SMAP2: variants seen among roughly 807,000 people sequenced by gnomAD.
The protein encoded by SMAP2 is small ArfGAP2.
In SMAP2, 25 loss-of-function variants were observed where a neutral mutation model predicts 56.4. The ratio of observed to expected loss-of-function variants is 0.44; its 90% confidence interval spans 0.32 to 0.62. The LOEUF (loss-of-function observed/expected upper bound fraction) is 0.62. SMAP2 is among the 20% of genes least tolerant of loss of function. SMAP2 has a pLI of 0.04. For synonymous variants in SMAP2, 157 were observed against 181.7 expected (o/e 0.86, Z 1.09); for missense variants, 388 against 545.6 (o/e 0.71, Z 2.88).
chr1:40,383,854 T>G (rs1459443524), intron 1 of SMAP2, among the ~76,000 whole-genome samples: 2 of 152,140 alleles, frequency 1.3e-5, no homozygotes, highest in Non-Finnish European at 1.5e-5. Flanking sequence ...CAGAAAATGT[T>G]GAGGATTGCA....
chr1:40,351,916 G>C (rs936769414), intron 1 of SMAP2, among the ~76,000 whole-genome samples: 2 of 152,052 alleles, frequency 1.3e-5, no homozygotes, highest in Non-Finnish European at 2.9e-5. Flanking sequence ...GGAATTACAG[G>C]TGTGAGCCAC....
At position 40,360,182 on chromosome 1, in the gene SMAP2, A is replaced by G. The variant is rs530178209; in HGVS notation, c.-82-2118A>G. On this transcript the variant is annotated intron_variant, in intron 1 of 6. Transcript: ENST00000435168. ...CCACCACACCCGGCTAATTTTTTGT[A>G]ATTTTAGTAGAGACGGGGTTTCACC... is the stretch of plus-strand genomic sequence containing the variant. Among the ~76,000 whole-genome samples, 310 of 148,824 alleles carry G rather than the reference A, an allele frequency of 2.1e-3. 2 individuals are homozygous for G. Among genetic ancestry groups the G allele is most frequent in the African/African-American group, 7.6e-3 (305 of 40,298 alleles).
intron 1 of SMAP2, among the ~76,000 whole-genome samples, chr1:40,388,930 C>T (rs1327212603): frequency 6.6e-6 from 1 of 151,978 alleles, no homozygotes; most frequent in Non-Finnish European, 1.5e-5. Flanking sequence ...CAATTCCAGA[C>T]GCGCTGCCTT....
intron 9 of SMAP2, among the ~76,000 whole-genome samples, chr1:40,419,260 C>T (rs571820708): frequency 7.4e-5 from 11 of 147,922 alleles, no homozygotes; most frequent in African/African-American, 2.2e-4. Flanking sequence ...TTCTGAATAC[C>T]AAGATAATTT....
intron 1 of SMAP2, among the ~76,000 whole-genome samples, chr1:40,379,810 G>C (rs1461873762): frequency 6.6e-6 from 1 of 152,092 alleles, no homozygotes; most frequent in Non-Finnish European, 1.5e-5. Flanking sequence ...GGGATTACAG[G>C]CATGAGCCAC....
intron 1 of SMAP2, among the ~76,000 whole-genome samples, chr1:40,388,636 T>A (rs559776638): frequency 6.6e-6 from 1 of 152,158 alleles, no homozygotes; most frequent in South Asian, 2.1e-4. Flanking sequence ...AACGCACCAA[T>A]CAGCACCCTG....
intron 1 of SMAP2, chr1:40,393,456 G>A: frequency 6.5e-7 from 1 of 1,530,766 alleles, no homozygotes; most frequent in Non-Finnish European, 8.7e-7. Context: ...ACAAAAAGAT[G>A]TTTTGCAAAT....
At chr1:40,344,939 CCTT>C (rs1240376632) in intron 1 of SMAP2, 1 of 151,022 alleles carries the variant, frequency 6.6e-6, no homozygotes, top group Non-Finnish European at 1.5e-5. Context: ...TTCTTTCTTT[CCTT>C]CTTTTCTTTT....
rs56769230 is a variant in SMAP2 at position 40,345,888 on chromosome 1, G to GTATTATATTATATTATATTATATTA, written c.-83+999_-83+1023dup. Among the ~76,000 whole-genome samples the GTATTATATTATATTATATTATATTA allele has an allele frequency of 3.7e-3, 446 of 120,110 alleles. 1 individual carries two copies. Among genetic ancestry groups the GTATTATATTATATTATATTATATTA allele is most frequent in the Non-Finnish European group, 5.2e-3 (311 of 60,338 alleles). 78.8% of individuals were successfully genotyped at this position (120,110 alleles called of 152,430 possible). A position where few individuals can be genotyped will look rare whatever the true frequency, so the allele number is the denominator to read the frequency against. On this transcript the variant is annotated intron_variant, in intron 1 of 6. Transcript: ENST00000435168. Reference sequence around the variant, plus strand: ...ATATTATATTGTATTATATTGTATTGTATTATATTATATTATATTATATTA... The same window carrying GTATTATATTATATTATATTATATTA: ...ATATTATATTGTATTATATTGTATTGTATTATATTATATTATATTATATTATATTATATTATATTATATTATATTA...
Position 40,347,240 on chromosome 1 carries a change from G to GTGTGT in SMAP2, c.-83+2331_-83+2332insGTGTT, listed in dbSNP as rs58284805. 3.6e-4 allele frequency among the ~76,000 whole-genome samples: 32 copies of GTGTGT among 88,400 alleles called. 1 individual carries two copies. Among genetic ancestry groups the GTGTGT allele is most frequent in the African/African-American group, 1.2e-3 (30 of 24,890 alleles). The allele number at this position is 88,400 out of a possible 152,430, so 58.0% of individuals were successfully genotyped here. On this transcript the variant is annotated intron_variant, in intron 1 of 6. Transcript: ENST00000435168. ...TGTGTGTGTGTGTTTGTGTGTGTGTGTTTTGTTTTTGTTTTTTTTTTTTTT... is the reference window on the plus strand; with the variant it reads ...TGTGTGTGTGTGTTTGTGTGTGTGTGTGTGTTTTTGTTTTTGTTTTTTTTTTTTTT...
At chr1:40,371,862 A>G (rs1644497894), upstream of SMAP2, among the ~76,000 whole-genome samples, 1 of 152,246 alleles carries the variant, frequency 6.6e-6, no homozygotes, top group Non-Finnish European at 1.5e-5. Context: ...AATAGGTACT[A>G]TTAATGTTAT....
intron 1 of SMAP2, among the ~76,000 whole-genome samples, chr1:40,387,714 G>A (rs1031064322): frequency 3.9e-5 from 6 of 152,176 alleles, no homozygotes; most frequent in South Asian, 2.1e-4. Context: ...GCCCTCGCTC[G>A]CTCTCGGTGC....
chr1:40,402,373 T>C (rs1338338688), intron 1 of SMAP2, among the ~76,000 whole-genome samples: 2 of 152,240 alleles, frequency 1.3e-5, no homozygotes, highest in African/African-American at 4.8e-5. Flanking sequence ...TTTTGAGATA[T>C]ATGGTAGATT....
chr1:40,420,616 C>T (rs1008278261), intron 9 of SMAP2, among the ~76,000 whole-genome samples: 3 of 152,234 alleles, frequency 2.0e-5, no homozygotes, highest in Admixed American at 2.0e-4. Flanking sequence ...AATATAGTCA[C>T]TACCTCAGCC....
At position 40,374,367 on chromosome 1, in the gene SMAP2, T is replaced by C; in HGVS notation, c.103+144T>C. 2 of 742,364 alleles carry C rather than the reference T, an allele frequency of 2.7e-6. No homozygotes were observed. The highest frequency in any genetic ancestry group is 3.5e-5 in the African/African-American group (2 of 57,860). The allele number at this position is 742,364 out of a possible 1,614,324, so 46.0% of individuals were successfully genotyped here. ...CGTGCTGCGCTTGCAGTGAGCCTAC[T>C]GGGCTTTCTGCAGCTGGGGGATTGG... On this transcript the variant is annotated intron_variant, in intron 1 of 9. Transcript: ENST00000372718. The surrounding 1 kb of genome is among the most constrained non-coding windows in gnomAD (Gnocchi z 5.9).
At position 40,373,945 on chromosome 1, in the gene SMAP2, G is replaced by A; in HGVS notation, c.-176G>A. 5.3e-6 allele frequency: 3 copies of A among 568,810 alleles called. No homozygotes were observed. The South Asian group carries it at 6.2e-5, about 12-fold the overall frequency. The allele number at this position is 568,810 out of a possible 1,614,324, so 35.2% of individuals were successfully genotyped here. A position where few individuals can be genotyped will look rare whatever the true frequency, so the allele number is the denominator to read the frequency against. ...CGCCGCGCCGAGGGGCTGCGGAGTG[G>A]GGGACGGACGCCCCCGACCCGGGAA... On this transcript the variant is annotated 5_prime_UTR_variant, in exon 1 of 10. Transcript: ENST00000372718.
At chr1:40,360,168 G>A (rs1481316130) in intron 1 of SMAP2, among the ~76,000 whole-genome samples, 5 of 151,120 alleles carry the variant, frequency 3.3e-5, no homozygotes, top group Admixed American at 1.3e-4. Context: ...CACCACACCC[G>A]GCTAATTTTT....
intron 1 of SMAP2, chr1:40,403,725 A>G: frequency 1.2e-6 from 1 of 828,074 alleles, no homozygotes; most frequent in Non-Finnish European, 1.5e-6. Context: ...TTTATAGATG[A>G]GGAAACTAAG....
chr1:40,389,989 A>C lies in SMAP2; in HGVS notation c.103+15766A>C, dbSNP rs1473248647. ...TTCCCTTTGCAGGATCTTTGTACTCACATGGCTGGTATCTTTGCCCCACCC... is the reference window on the plus strand; with the variant it reads ...TTCCCTTTGCAGGATCTTTGTACTCCCATGGCTGGTATCTTTGCCCCACCC... On this transcript the variant is annotated intron_variant, in intron 1 of 9. Coordinates refer to ENST00000372718, the MANE Select transcript of SMAP2 (RefSeq NM_022733.3). Among the ~76,000 whole-genome samples the C allele has an allele frequency of 1.1e-4, 15 of 141,664 alleles. No homozygotes were observed. In the Admixed American group the frequency reaches 1.2e-3, roughly 11 times the overall value. The allele number at this position is 141,664 out of a possible 152,430, so 92.9% of individuals were successfully genotyped here. A position where few individuals can be genotyped will look rare whatever the true frequency, so the allele number is the denominator to read the frequency against.
Sources: gnomAD v4.1 joint callset for allele counts (sites outside exome capture counted in the v4.1 genomes callset) on GRCh38, gnomAD v4.1.1 for gene constraint, Gnocchi (gnomAD v3.1) non-coding constraint, MANE v1.5 for transcripts, NCBI Gene and HGNC (gene_info 2026-07-23, HGNC 2026-07-21) for gene names.